Variants in PKP4 observed in about 807,000 individuals in gnomAD.
PKP4 encodes plakophilin-4.
PKP4 carries 90 observed loss-of-function variants against 145.1 expected under a neutral mutation model. The ratio of observed to expected loss-of-function variants is 0.62; its 90% confidence interval spans 0.52 to 0.74. The LOEUF (loss-of-function observed/expected upper bound fraction) is 0.74, where lower values mean the gene tolerates loss of function less well. Ranked by LOEUF, PKP4 falls within the 30% of genes least tolerant of loss-of-function variation. The pLI is 0.00. For missense variants in PKP4, 1,340 were observed against 1,482.7 expected (o/e 0.90, Z 1.58); for synonymous variants, 563 against 577.2 (o/e 0.98, Z 0.35).
intron 11 of PKP4, among the ~76,000 whole-genome samples, chr2:158,653,173 T>A (rs1056087361): frequency 5.9e-5 from 9 of 152,296 alleles, no homozygotes; most frequent in African/African-American, 1.4e-4. Flanking sequence ...GTCTTTCATA[T>A]CAAAAAGAAA....
intron 2 of PKP4, among the ~76,000 whole-genome samples, chr2:158,534,562 C>G (rs1346533485): frequency 6.6e-6 from 1 of 152,070 alleles, no homozygotes; most frequent in East Asian, 1.9e-4. Context: ...AAGATTTGAC[C>G]CACGGAGCTG....
chr2:158,533,361 C>T (rs751289017), intron 2 of PKP4, 45 bp downstream of exon 2: 1 of 1,601,756 alleles, frequency 6.2e-7, no homozygotes. Context: ...TTCTTTAATG[C>T]CTTTAAAAAA....
chr2:158,589,201 G>A (rs188421441), intron 3 of PKP4, among the ~76,000 whole-genome samples: 46 of 152,204 alleles, frequency 3.0e-4, no homozygotes, highest in African/African-American at 1.0e-3. Flanking sequence ...TAAATGTCTC[G>A]TGCATGTTAT....
chr2:158,525,962 T>C (rs1438763721), intron 1 of PKP4, among the ~76,000 whole-genome samples: 5 of 150,896 alleles, frequency 3.3e-5, no homozygotes, highest in African/African-American at 9.8e-5. Flanking sequence ...AATAGACCAA[T>C]AACAGGAGCT....
At chr2:158,548,075 A>C (rs903690467) in intron 2 of PKP4, among the ~76,000 whole-genome samples, 4 of 152,208 alleles carry the variant, frequency 2.6e-5, no homozygotes. Context: ...AGCCTTTTGA[A>C]TGGCAGACAG....
chr2:158,538,031 A>C (rs1199526749), intron 2 of PKP4, among the ~76,000 whole-genome samples: 1 of 152,164 alleles, frequency 6.6e-6, no homozygotes, highest in Non-Finnish European at 1.5e-5. Context: ...AAAAGAAAGA[A>C]AAATGTGGTG....
chr2:158,589,588 G>A (rs1228103858), intron 3 of PKP4, among the ~76,000 whole-genome samples: 1 of 152,126 alleles, frequency 6.6e-6, no homozygotes, highest in East Asian at 1.9e-4. Context: ...ATGTACAAGA[G>A]GTCATATAAA....
At chr2:158,465,000 C>A (rs1236578602) in intron 1 of PKP4, among the ~76,000 whole-genome samples, 1 of 152,180 alleles carries the variant, frequency 6.6e-6, no homozygotes, top group African/African-American at 2.4e-5. Context: ...GTCCCCTACT[C>A]CATATCAGAC....
intron 2 of PKP4, among the ~76,000 whole-genome samples, chr2:158,542,698 G>C (rs1456857167): frequency 6.6e-6 from 1 of 152,002 alleles, no homozygotes; most frequent in East Asian, 1.9e-4. Flanking sequence ...GCCATTGTGC[G>C]AAAAAAGACC....
chr2:158,661,373 C>G lies in PKP4; in HGVS notation c.2134C>G (p.Arg712Gly). The part of the protein sequence containing the change: ...SAGEEARKQM[R>G]SCEGLVDSLL... ...GGGGGAAGAAGCTCGGAAGCAAATG[C>G]GGTCCTGCGAGGGGCTGGTAGACTC... The change falls in exon 13 of 22, where the codon CGG becomes GGG. Residue 712 changes from arginine (R) to glycine (G), a missense_variant. Arg to Gly is a moderately radical substitution (Grantham distance 125, BLOSUM62 -2). Coordinates refer to ENST00000389759, the MANE Select transcript of PKP4 (RefSeq NM_003628.6). 1 of 1,613,658 alleles carries G rather than the reference C, an allele frequency of 6.2e-7. No homozygotes were observed. The highest frequency in any genetic ancestry group is 8.5e-7 in the Non-Finnish European group (1 of 1,179,686).
chr2:158,566,575 G>A (rs2047007619), intron 2 of PKP4, among the ~76,000 whole-genome samples: 1 of 151,890 alleles, frequency 6.6e-6, no homozygotes. Context: ...AATATTCAAG[G>A]CATTACATTT....
intron 3 of PKP4, among the ~76,000 whole-genome samples, chr2:158,581,794 A>G (rs1033294985): frequency 1.3e-5 from 2 of 152,226 alleles, no homozygotes; most frequent in African/African-American, 4.8e-5. Flanking sequence ...AATCATTGGC[A>G]GTTTATTTGC....
intron 1 of PKP4, among the ~76,000 whole-genome samples, chr2:158,516,431 C>G (rs986205002): frequency 1.3e-5 from 2 of 152,092 alleles, no homozygotes; most frequent in African/African-American, 4.8e-5. Context: ...CCGTGGAGCA[C>G]ACTTTGAGAA....
At chr2:158,612,115 GCACA>G (rs756189075) in intron 4 of PKP4, among the ~76,000 whole-genome samples, 15 of 148,220 alleles carry the variant, frequency 1.0e-4, no homozygotes, top group African/African-American at 3.0e-4. Context: ...CTACACAACT[GCACA>G]CACACACACA....
intron 4 of PKP4, among the ~76,000 whole-genome samples, chr2:158,608,874 C>G (rs375967496): frequency 8.0e-6 from 1 of 124,242 alleles, no homozygotes; most frequent in Admixed American, 1.1e-4. Flanking sequence ...AGTTCGGTGG[C>G]GCCATTTTGG....
chr2:158,518,627 T>C (rs1031552289), intron 1 of PKP4, among the ~76,000 whole-genome samples: 2 of 152,250 alleles, frequency 1.3e-5, no homozygotes, highest in Non-Finnish European at 1.5e-5. Flanking sequence ...CACTGTTTCT[T>C]GTGTCCTAAA....
At chr2:158,641,708 A>G (rs575997061) in intron 10 of PKP4, among the ~76,000 whole-genome samples, 1 of 152,350 alleles carries the variant, frequency 6.6e-6, no homozygotes, top group Non-Finnish European at 1.5e-5. Context: ...TACTCAAATA[A>G]TGTACTAATG....
At chr2:158,631,620 G>A in intron 7 of PKP4, 133 bp from the exon 8 acceptor site, 3 of 756,172 alleles carry the variant, frequency 4.0e-6, no homozygotes, top group Non-Finnish European at 6.8e-6. Flanking sequence ...CAAATTCCTG[G>A]GCTCAAGCCA....
At chr2:158,677,213 AG>A in intron 20 of PKP4, 1 of 353,900 alleles carries the variant, frequency 2.8e-6, no homozygotes, top group Non-Finnish European at 5.5e-6. Flanking sequence ...CACATGCATC[AG>A]AACCGTCAGC....
Sources: allele counts gnomAD v4.1 joint callset (sites outside exome capture counted in the v4.1 genomes callset), GRCh38; gene constraint gnomAD v4.1.1; transcripts MANE v1.5; gene names NCBI Gene and HGNC (gene_info 2026-07-23, HGNC 2026-07-21).